The following TMTC2 variants were observed in gnomAD, a reference collection of about 807,000 sequenced individuals.
TMTC2 encodes transmembrane O-mannosyltransferase targeting cadherins 2, also known as protein O-mannosyl-transferase TMTC2.
Under a neutral mutation model 82.4 loss-of-function variants are expected in TMTC2, and 43 were observed. The observed-to-expected ratio is 0.52, with a 90% CI of 0.41 to 0.67. The LOEUF (loss-of-function observed/expected upper bound fraction) is 0.67, where lower values mean the gene tolerates loss of function less well. Among genes scored for constraint, TMTC2 ranks in the 30% least tolerant of loss-of-function variants. TMTC2 has a pLI of 0.00. For missense variants in TMTC2, 919 were observed against 1,012.4 expected (o/e 0.91, Z 1.25); for synonymous variants, 408 against 381.9 (o/e 1.07, Z -0.80).
chr12:82,891,790 C>T (rs535749088), intron 2 of TMTC2, among the ~76,000 whole-genome samples: 1 of 152,056 alleles, frequency 6.6e-6, no homozygotes, highest in East Asian at 1.9e-4. Flanking sequence ...CTTTAAAAGC[C>T]ATAGCAAATC....
rs1878653556 is a variant in TMTC2 at position 82,975,990 on chromosome 12, T to G, written c.1948+8993T>G. On this transcript the variant is annotated intron_variant, in intron 7 of 11. Transcript: ENST00000321196. ...ATTAAGCCATTTTATTGACTCCATT[T>G]TAATTTTCCTGAAGACAGTATTATA... Among the ~76,000 whole-genome samples the G allele has an allele frequency of 7.2e-5, 11 of 152,274 alleles. No individual in the cohort carries two copies. In the South Asian group the frequency reaches 2.3e-3, roughly 32 times the overall value.
chr12:82,768,494 C>G (rs1241051041), intron 1 of TMTC2, among the ~76,000 whole-genome samples: 1 of 152,186 alleles, frequency 6.6e-6, no homozygotes, highest in African/African-American at 2.4e-5. Context: ...GGCCTGTCCG[C>G]ACTTCCAGCT....
intron 9 of TMTC2, among the ~76,000 whole-genome samples, chr12:83,037,382 G>T (rs1881704467): frequency 6.6e-6 from 1 of 151,992 alleles, no homozygotes; most frequent in African/African-American, 2.4e-5. Context: ...AACAGCCAGA[G>T]GAATTTTTTA....
chr12:82,737,138 A>G (rs1875167162), intron 1 of TMTC2, among the ~76,000 whole-genome samples: 1 of 152,198 alleles, frequency 6.6e-6, no homozygotes, highest in South Asian at 2.1e-4. Flanking sequence ...GAGCAATGCC[A>G]TGAGTGCTTT....
intron 1 of TMTC2, among the ~76,000 whole-genome samples, chr12:82,848,668 G>A (rs1257100842): frequency 6.6e-6 from 1 of 152,098 alleles, no homozygotes; most frequent in Non-Finnish European, 1.5e-5. Flanking sequence ...ACAGAAGAGG[G>A]AATGTTAAGA....
chr12:82,799,238 G>T (rs930370482), intron 1 of TMTC2, among the ~76,000 whole-genome samples: 4 of 152,100 alleles, frequency 2.6e-5, no homozygotes, highest in African/African-American at 9.7e-5. Flanking sequence ...GATTGTTACG[G>T]ACTGAGGGTT....
chr12:83,070,944 T>C (rs144519663), intron 11 of TMTC2, among the ~76,000 whole-genome samples: 45 of 152,342 alleles, frequency 3.0e-4, no homozygotes, highest in Non-Finnish European at 2.2e-4. Context: ...TCTATTGAGA[T>C]AATCACGTGA....
At chr12:82,878,242 A>G (rs995843201) in intron 2 of TMTC2, among the ~76,000 whole-genome samples, 1 of 152,194 alleles carries the variant, frequency 6.6e-6, no homozygotes, top group Non-Finnish European at 1.5e-5. Flanking sequence ...CAGAGCTGGT[A>G]TTCTTGTGGG....
At chr12:82,917,986 C>T (rs1340792587) in intron 3 of TMTC2, among the ~76,000 whole-genome samples, 2 of 152,060 alleles carry the variant, frequency 1.3e-5, no homozygotes, top group Non-Finnish European at 2.9e-5. Context: ...TAGCCTTAAC[C>T]TCCCAGGCTG....
intron 7 of TMTC2, among the ~76,000 whole-genome samples, chr12:82,974,118 C>G (rs946107418): frequency 4.6e-5 from 7 of 152,074 alleles, no homozygotes; most frequent in African/African-American, 1.4e-4. Context: ...CCTGTAATCC[C>G]AGCACCATGG....
At chr12:83,048,383 T>C (rs1882220465) in intron 9 of TMTC2, among the ~76,000 whole-genome samples, 1 of 152,224 alleles carries the variant, frequency 6.6e-6, no homozygotes, top group Non-Finnish European at 1.5e-5. Context: ...TTTTTATTTA[T>C]AAATGTAACT....
intron 4 of TMTC2, among the ~76,000 whole-genome samples, chr12:82,960,127 A>C (rs182473260): frequency 6.6e-6 from 1 of 152,266 alleles, no homozygotes; most frequent in Non-Finnish European, 1.5e-5. Context: ...ATACCATCTC[A>C]CACCAGTCAG....
intron 1 of TMTC2, among the ~76,000 whole-genome samples, chr12:82,693,575 G>C (rs1872663662): frequency 6.6e-6 from 1 of 152,160 alleles, no homozygotes; most frequent in Non-Finnish European, 1.5e-5. Context: ...AAAAGATGCA[G>C]CTCTTCTAAA....
chr12:82,892,749 C>G (rs1873460251), intron 2 of TMTC2, among the ~76,000 whole-genome samples: 1 of 152,160 alleles, frequency 6.6e-6, no homozygotes, highest in African/African-American at 2.4e-5. Context: ...ATAGAATGTT[C>G]TTAGGCACAT....
chr12:83,116,704 T>C (rs915039401), intron 11 of TMTC2, among the ~76,000 whole-genome samples: 1 of 152,246 alleles, frequency 6.6e-6, no homozygotes, highest in East Asian at 1.9e-4. Context: ...GAGCATTTTT[T>C]CTTATGTTTG....
At chr12:82,815,586 A>G (rs762180023) in intron 1 of TMTC2, among the ~76,000 whole-genome samples, 1 of 152,114 alleles carries the variant, frequency 6.6e-6, no homozygotes, top group Non-Finnish European at 1.5e-5. Context: ...TGCTGGGATT[A>G]CAGGCGTCCT....
At chr12:82,892,314 T>A (rs979900121) in intron 2 of TMTC2, among the ~76,000 whole-genome samples, 1 of 152,242 alleles carries the variant, frequency 6.6e-6, no homozygotes, top group African/African-American at 2.4e-5. Flanking sequence ...ATTTTCTCAG[T>A]ACTTAGACAT....
At chr12:82,949,183 C>T (rs1004218860) in intron 4 of TMTC2, among the ~76,000 whole-genome samples, 1 of 152,256 alleles carries the variant, frequency 6.6e-6, no homozygotes, top group East Asian at 1.9e-4. Context: ...GTTTCTTCTC[C>T]AAGAAATTAC....
intron 1 of TMTC2, among the ~76,000 whole-genome samples, chr12:82,797,552 G>A (rs1042021296): frequency 2.6e-5 from 4 of 152,062 alleles, no homozygotes; most frequent in Non-Finnish European, 5.9e-5. Flanking sequence ...TGGTTGCCGT[G>A]TATAAAAAGG....
Sources: gnomAD v4.1 joint callset for allele counts (sites outside exome capture counted in the v4.1 genomes callset) on GRCh38, gnomAD v4.1.1 for gene constraint, MANE v1.5 for transcripts, NCBI Gene and HGNC (gene_info 2026-07-23, HGNC 2026-07-21) for gene names.